The following TYW1 variants were observed in gnomAD, a reference collection of about 807,000 sequenced individuals.
TYW1 encodes tRNA-yW synthesizing protein 1 homolog, also known as S-adenosyl-L-methionine-dependent tRNA 4-demethylwyosine synthase TYW1.
Under a neutral mutation model 96.2 loss-of-function variants are expected in TYW1, and 46 were observed. That is an observed-to-expected ratio of 0.48 (90% CI 0.38 to 0.61). The LOEUF (loss-of-function observed/expected upper bound fraction) is 0.61, where lower values mean the gene tolerates loss of function less well. Among genes scored for constraint, TYW1 ranks in the 20% least tolerant of loss-of-function variants. The pLI, the probability that TYW1 is intolerant of heterozygous loss-of-function variation, is 0.00. For missense variants in TYW1, 684 were observed against 909.6 expected (o/e 0.75, Z 3.19); for synonymous variants, 274 against 323.0 (o/e 0.85, Z 1.63).
chr7:67,233,285 A>G (rs1801793538), intron 15 of TYW1, among the ~76,000 whole-genome samples: 2 of 136,102 alleles, frequency 1.5e-5, no homozygotes, highest in Non-Finnish European at 1.6e-5. Flanking sequence ...TTAATCTACC[A>G]TCTTTAATAG....
In TYW1 at chr7:67,110,729, C is replaced by T. The variant is rs116153407; in HGVS notation, c.1563-6754C>T. ...AATGATATTTAAAATAATAGCCAGG[C>T]GTGGTGGCTCATGTCTGTCATTGCT... On this transcript the variant is annotated intron_variant, in intron 12 of 15. Transcript: ENST00000359626. Among the ~76,000 whole-genome samples, 311 of 152,230 alleles carry T rather than the reference C, an allele frequency of 2.0e-3. 1 individual carries two copies. The Middle Eastern group carries it at 0.027, about 13-fold the overall frequency.
intron 9 of TYW1, among the ~76,000 whole-genome samples, chr7:67,060,299 C>T (rs1040027391): frequency 6.6e-6 from 1 of 152,214 alleles, no homozygotes; most frequent in African/African-American, 2.4e-5. Context: ...TGGTCTTGAA[C>T]TCCTGACCTC....
intron 10 of TYW1, among the ~76,000 whole-genome samples, chr7:67,074,071 CAAAAA>C (rs756494903): frequency 2.4e-5 from 2 of 83,860 alleles, no homozygotes; most frequent in Non-Finnish European, 2.5e-5. Flanking sequence ...TACTCCATCT[CAAAAA>C]AAAAAAAAAA....
intron 9 of TYW1, among the ~76,000 whole-genome samples, chr7:67,063,085 G>T (rs563015104): frequency 1.3e-5 from 2 of 152,156 alleles, no homozygotes; most frequent in East Asian, 1.9e-4. Flanking sequence ...AGTATAGAAA[G>T]AATTATATGC....
At chr7:67,000,188 G>C (rs1421080811) in intron 3 of TYW1, among the ~76,000 whole-genome samples, 1 of 151,814 alleles carries the variant, frequency 6.6e-6, no homozygotes, top group Non-Finnish European at 1.5e-5. Context: ...TGCCCGCCTC[G>C]GCCTCCTAAA....
At chr7:67,104,354 GGAAA>G (rs1209039702) in intron 12 of TYW1, among the ~76,000 whole-genome samples, 1 of 152,150 alleles carries the variant, frequency 6.6e-6, no homozygotes, top group Non-Finnish European at 1.5e-5. Context: ...AAGGCAAAGG[GGAAA>G]GCAGGCACAT....
At chr7:66,997,095 C>A in intron 1 of TYW1, 113 bp downstream of exon 1, 1 of 1,556,638 alleles carries the variant, frequency 6.4e-7, no homozygotes, top group Non-Finnish European at 8.7e-7. Flanking sequence ...GAGACTGTTG[C>A]ACTTGACAGC....
intron 7 of TYW1, among the ~76,000 whole-genome samples, chr7:67,026,779 T>C (rs1794467165): frequency 6.6e-6 from 1 of 151,898 alleles, no homozygotes; most frequent in African/African-American, 2.4e-5. Flanking sequence ...TAATTAAAAC[T>C]GTAGTACTGG....
At chr7:67,077,999 G>T (rs1796257561) in intron 10 of TYW1, among the ~76,000 whole-genome samples, 1 of 151,976 alleles carries the variant, frequency 6.6e-6, no homozygotes, top group Non-Finnish European at 1.5e-5. Flanking sequence ...TTTATTTCTG[G>T]GTTCTCTATT....
At chr7:67,228,265 A>G (rs896793407) in intron 15 of TYW1, among the ~76,000 whole-genome samples, 1 of 152,212 alleles carries the variant, frequency 6.6e-6, no homozygotes, top group Non-Finnish European at 1.5e-5. Context: ...TGGCATCACA[A>G]TCGTGGCGGA....
intron 15 of TYW1, among the ~76,000 whole-genome samples, chr7:67,217,132 A>T (rs555490360): frequency 6.7e-6 from 1 of 148,528 alleles, no homozygotes; most frequent in East Asian, 2.0e-4. Flanking sequence ...GTTGTTGTTG[A>T]GTTTTAGGCA....
At position 67,067,335 on chromosome 7, in the gene TYW1, T is replaced by A. The variant is rs1795896558; in HGVS notation, c.1206T>A (p.Ile402=). The A allele has an allele frequency of 3.1e-6, 5 of 1,613,958 alleles. No homozygotes were observed. In the East Asian group the frequency reaches 1.1e-4, roughly 36 times the overall value. Residue 402 remains isoleucine (I), a synonymous_variant, in exon 10 of 16, where the codon ATT becomes ATA. Transcript: ENST00000359626. ...GTTACAAACACACATTCTATGGAAT[T>A]GAGAGCCATCGCTGCATGGAAACCA... ...GGCYKHTFYG[I]ESHRCMETTP... is the part of the protein sequence containing the mutation.
intron 13 of TYW1, among the ~76,000 whole-genome samples, chr7:67,156,425 C>T (rs1334319429): frequency 6.6e-6 from 1 of 152,176 alleles, no homozygotes; most frequent in Non-Finnish European, 1.5e-5. Flanking sequence ...TTTCAGGGCA[C>T]CTGAAGGTGT....
intron 1 of TYW1, among the ~76,000 whole-genome samples, chr7:66,997,639 C>G (rs1793227371): frequency 7.2e-6 from 1 of 139,156 alleles, no homozygotes; most frequent in South Asian, 2.8e-4. Flanking sequence ...CCCCACCCCC[C>G]CGCCCCCGAG....
chr7:67,161,844 C>T (rs12154414), intron 13 of TYW1, among the ~76,000 whole-genome samples: 1 of 151,916 alleles, frequency 6.6e-6, no homozygotes, highest in South Asian at 2.1e-4. Flanking sequence ...ATAAAGTAGA[C>T]TGCTGTACCC....
At chr7:67,208,504 A>G (rs1406909183) in intron 15 of TYW1, among the ~76,000 whole-genome samples, 4 of 152,042 alleles carry the variant, frequency 2.6e-5, no homozygotes, top group Non-Finnish European at 5.9e-5. Context: ...AGCCTGGCCA[A>G]TATGGTGAAT....
chr7:67,232,535 C>T (rs1240111440), intron 15 of TYW1, among the ~76,000 whole-genome samples: 1 of 85,984 alleles, frequency 1.2e-5, no homozygotes, highest in East Asian at 2.2e-4. Flanking sequence ...AGCATGACTC[C>T]GTCTCAAAAA....
chr7:67,173,305 A>G (rs1799570945), intron 13 of TYW1, among the ~76,000 whole-genome samples: 1 of 152,200 alleles, frequency 6.6e-6, no homozygotes, highest in South Asian at 2.1e-4. Flanking sequence ...TTGTGGAAGA[A>G]GGTGGGTCAT....
chr7:67,201,466 A>C (rs1272129224), intron 15 of TYW1, among the ~76,000 whole-genome samples: 3 of 149,940 alleles, frequency 2.0e-5, no homozygotes, highest in Non-Finnish European at 2.9e-5. Flanking sequence ...AGACCTGGCA[A>C]AGTATTAAAT....
Sources: gnomAD v4.1 joint callset for allele counts (sites outside exome capture counted in the v4.1 genomes callset) on GRCh38, gnomAD v4.1.1 for gene constraint, MANE v1.5 for transcripts, NCBI Gene and HGNC (gene_info 2026-07-23, HGNC 2026-07-21) for gene names.